The following LRIG3 variants were observed in gnomAD, a reference collection of about 807,000 sequenced individuals.
LRIG3 encodes the protein leucine-rich repeats and immunoglobulin-like domains protein 3.
Under a neutral mutation model 114.5 loss-of-function variants are expected in LRIG3, and 76 were observed. The observed-to-expected ratio is 0.66, with a 90% CI of 0.55 to 0.80. The LOEUF is 0.80. Ranked by LOEUF, LRIG3 falls within the 30% of genes least tolerant of loss-of-function variation. The pLI, the probability that LRIG3 is intolerant of heterozygous loss-of-function variation, is 0.00. For missense variants in LRIG3, 1,239 were observed against 1,382.8 expected (o/e 0.90, Z 1.65); for synonymous variants, 512 against 519.8 (o/e 0.98, Z 0.20).
In LRIG3 at chr12:58,879,106, C is replaced by A; in HGVS notation, c.1802-1G>T. ...GGGGTCTTGGTGAATGAGGGAAGCACTGAAATCAGAGAAACAATATAGGCA... is the reference window on the plus strand; with the variant it reads ...GGGGTCTTGGTGAATGAGGGAAGCAATGAAATCAGAGAAACAATATAGGCA... On this transcript the variant is annotated splice_acceptor_variant, in intron 13 of 18. Coordinates refer to ENST00000320743, the MANE Select transcript of LRIG3 (RefSeq NM_153377.5). LOFTEE classifies it high-confidence loss of function. 1 of 1,608,836 alleles carries A rather than the reference C, an allele frequency of 6.2e-7. No homozygotes were observed. The highest frequency in any genetic ancestry group is 1.3e-5 in the African/African-American group (1 of 74,896).
intron 15 of LRIG3, 118 bp downstream of exon 15, chr12:58,877,282 A>G: frequency 9.9e-7 from 1 of 1,010,618 alleles, no homozygotes; most frequent in Non-Finnish European, 1.4e-6. Context: ...GCAGCTTGAA[A>G]CAAATGAGTC....
Position 58,878,947 on chromosome 12 carries a change from C to T in LRIG3, c.1960G>A (p.Val654Met). 1 of 1,614,142 alleles carries T rather than the reference C, an allele frequency of 6.2e-7. No individual in the cohort carries two copies. The change falls in exon 14 of 19, where the codon GTG becomes ATG. Residue 654 changes from valine to methionine, a missense_variant. Val to Met is a conservative substitution (Grantham distance 21). Transcript: ENST00000320743. ...FPAARERRMH[V>M]MPEDDVFFIV... ...AAGAACACGTCATCCTCGGGCATCA[C>T]ATGCATGCGTCTCTCCCGTGCAGCT... is the stretch of plus-strand genomic sequence containing the variant.
rs1159097289 is a variant in LRIG3 at position 58,878,865 on chromosome 12, C to A, written c.2042G>T (p.Ser681Ile). 5 of 1,614,078 alleles carry A rather than the reference C, an allele frequency of 3.1e-6. No homozygotes were observed. Among genetic ancestry groups the A allele is most frequent in the Non-Finnish European group, 4.2e-6 (5 of 1,180,026 alleles). The change falls in exon 14 of 19, where the codon AGT (serine) becomes ATT (isoleucine). Residue 681 changes from serine (S) to isoleucine (I), a missense_variant. By Grantham distance (142) the Ser-to-Ile change is moderately radical (BLOSUM62 -2). Transcript: ENST00000320743. The part of the protein sequence containing the change: ...IGVYSCTAQN[S>I]AGSISANATL... ...TGCATTTGCTGAAATACTTCCTGCA[C>A]TGTTCTGAGCTGTGCAGCTGTATAC...
At chr12:58,875,924 T>G (rs1870900040) in intron 16 of LRIG3, among the ~76,000 whole-genome samples, 1 of 152,170 alleles carries the variant, frequency 6.6e-6, no homozygotes, top group South Asian at 2.1e-4. Context: ...TGGTGGCATG[T>G]GGCTGTAGTC....
At chr12:58,906,272 C>T (rs919623578) in intron 3 of LRIG3, among the ~76,000 whole-genome samples, 4 of 152,038 alleles carry the variant, frequency 2.6e-5, no homozygotes, top group Non-Finnish European at 4.4e-5. Context: ...TAAAAGTTCC[C>T]TTTTTTTAAA....
intron 10 of LRIG3, among the ~76,000 whole-genome samples, chr12:58,884,917 A>T (rs1257722501): frequency 6.6e-6 from 1 of 152,240 alleles, no homozygotes; most frequent in Admixed American, 6.5e-5. Context: ...TACAAGCGTA[A>T]AACATACATC....
rs753738730 is a variant in LRIG3, at chr12:58,874,222, C to T, written c.2948G>A (p.Arg983Gln). 1.5e-5 allele frequency: 25 copies of T among 1,614,034 alleles called. No individual in the cohort carries two copies. Among genetic ancestry groups the T allele is most frequent in the East Asian group, 2.2e-5 (1 of 44,882 alleles). ...AGGCCACGATATATTACTGAAGCTC[C>T]GTTCGCAGGATTCTTCTGAAGGATG... ...CSHPSEESCE[R>Q]SFSNISWPSH... is the part of the protein sequence containing the mutation. Residue 983 changes from arginine to glutamine, a missense_variant, in exon 18 of 19, where the codon CGG becomes CAG. Arg to Gln is a conservative substitution (Grantham distance 43). Transcript: ENST00000320743.
intron 3 of LRIG3, among the ~76,000 whole-genome samples, chr12:58,905,787 T>C (rs1872042508): frequency 6.6e-6 from 1 of 152,176 alleles, no homozygotes; most frequent in Non-Finnish European, 1.5e-5. Flanking sequence ...CTACACCGGC[T>C]TAGGGATTCT....
chr12:58,910,284 T>C (rs1872227108), intron 3 of LRIG3, among the ~76,000 whole-genome samples: 2 of 152,184 alleles, frequency 1.3e-5, no homozygotes, highest in South Asian at 4.1e-4. Context: ...ATCTACTAAT[T>C]TAGAATCTCT....
intron 3 of LRIG3, among the ~76,000 whole-genome samples, chr12:58,908,166 A>G (rs1872137628): frequency 6.6e-6 from 1 of 152,232 alleles, no homozygotes; most frequent in Non-Finnish European, 1.5e-5. Flanking sequence ...TCGCGGCATT[A>G]GGTTCCAAGC....
chr12:58,893,073 T>C (rs1465971305), intron 3 of LRIG3, among the ~76,000 whole-genome samples: 1 of 152,206 alleles, frequency 6.6e-6, no homozygotes, highest in Non-Finnish European at 1.5e-5. Context: ...CAATCTGTGC[T>C]TGCCCACTTT....
intron 3 of LRIG3, among the ~76,000 whole-genome samples, chr12:58,900,966 C>T (rs1178319699): frequency 6.6e-6 from 1 of 152,120 alleles, no homozygotes; most frequent in Non-Finnish European, 1.5e-5. Flanking sequence ...CTACTGTGGC[C>T]CCGTGCTGTC....
chr12:58,881,546 C>CATT (rs1343586846), intron 12 of LRIG3, among the ~76,000 whole-genome samples: 1 of 152,018 alleles, frequency 6.6e-6, no homozygotes, highest in Non-Finnish European at 1.5e-5. Context: ...GTCAAAGCTA[C>CATT]ATTATAATTA....
intron 1 of LRIG3, among the ~76,000 whole-genome samples, chr12:58,915,084 TAACA>T (rs1872427722): frequency 6.6e-6 from 1 of 152,180 alleles, no homozygotes; most frequent in South Asian, 2.1e-4. Flanking sequence ...TTAAAAACAA[TAACA>T]AACTCATACA....
At chr12:58,879,876 A>C (rs542015937) in intron 13 of LRIG3, among the ~76,000 whole-genome samples, 1 of 152,338 alleles carries the variant, frequency 6.6e-6, no homozygotes, top group East Asian at 1.9e-4. Context: ...AAGTGAAGCA[A>C]CCTGCTGAAA....
intron 3 of LRIG3, among the ~76,000 whole-genome samples, chr12:58,897,088 T>C (rs1413587683): frequency 1.3e-5 from 2 of 152,282 alleles, no homozygotes; most frequent in East Asian, 1.9e-4. Context: ...ACTCCTCTCA[T>C]ATAGATAAAA....
chr12:58,913,921 T>A, intron 3 of LRIG3, 61 bp downstream of exon 3: 1 of 1,406,898 alleles, frequency 7.1e-7, no homozygotes, highest in Non-Finnish European at 9.9e-7. Context: ...CTAGTCCCTA[T>A]GGAACTCCCA....
At chr12:58,876,051 C>G (rs933484160) in intron 16 of LRIG3, among the ~76,000 whole-genome samples, 1 of 151,994 alleles carries the variant, frequency 6.6e-6, no homozygotes, top group Non-Finnish European at 1.5e-5. Flanking sequence ...GACTTCGTCT[C>G]AAATAAATAA....
intron 16 of LRIG3, among the ~76,000 whole-genome samples, chr12:58,874,925 T>G (rs1479314184): frequency 6.6e-6 from 1 of 152,210 alleles, no homozygotes; most frequent in Non-Finnish European, 1.5e-5. Context: ...CAATGACCTC[T>G]TAATGCCCAT....
Sources: gnomAD v4.1 joint callset for allele counts (sites outside exome capture counted in the v4.1 genomes callset) on GRCh38, gnomAD v4.1.1 for gene constraint, MANE v1.5 for transcripts, NCBI Gene and HGNC (gene_info 2026-07-23, HGNC 2026-07-21) for gene names.